RANBP2: variants seen among roughly 807,000 people sequenced by gnomAD.
RANBP2 encodes the protein E3 SUMO-protein ligase RanBP2.
In RANBP2, 57 loss-of-function variants were observed where a neutral mutation model predicts 303.6. That is an observed-to-expected ratio of 0.19 (90% confidence interval 0.15 to 0.23). The LOEUF (loss-of-function observed/expected upper bound fraction) is 0.23. Ranked by LOEUF, RANBP2 falls within the 10% of genes least tolerant of loss-of-function variation. The probability of loss-of-function intolerance (pLI) is 1.00; values close to 1 mark genes in which losing one functional copy is unlikely to be tolerated. For synonymous variants in RANBP2, 1,167 were observed against 1,301.5 expected (o/e 0.90, Z 2.23); for missense variants, 3,138 against 3,780.8 (o/e 0.83, Z 4.46).
the RANBP2 span, chr2:108,856,918 A>G: frequency 6.2e-7 from 1 of 1,613,352 alleles, no homozygotes; most frequent in Non-Finnish European, 8.5e-7. Context: ...TATCCAGTAA[A>G]GGACTCCTGT....
At chr2:108,789,467 G>A (rs190942362), downstream of RANBP2, among the ~76,000 whole-genome samples, 5 of 152,270 alleles carry the variant, frequency 3.3e-5, no homozygotes, top group Admixed American at 1.3e-4. Context: ...GGTGGTGTGC[G>A]TCTGGAATCT....
chr2:108,811,164 CT>C, the RANBP2 span, among the ~76,000 whole-genome samples: 2 of 150,290 alleles, frequency 1.3e-5, no homozygotes, highest in East Asian at 1.9e-4. Flanking sequence ...CCCTACCCCC[CT>C]AACCCTGCCT....
chr2:109,189,665 CT>C, the RANBP2 span, among the ~76,000 whole-genome samples: 6 of 152,150 alleles, frequency 3.9e-5, no homozygotes, highest in South Asian at 8.3e-4. Flanking sequence ...AATTTACCCC[CT>C]ATCAATTTAA....
chr2:108,875,974 T>C, the RANBP2 span: 3 of 637,648 alleles, frequency 4.7e-6, no homozygotes, highest in Non-Finnish European at 7.7e-6. Context: ...TTCTCCACTG[T>C]TTTTAAAAAC....
the RANBP2 span, among the ~76,000 whole-genome samples, chr2:109,042,501 T>C: frequency 5.8e-4 from 88 of 152,282 alleles, no homozygotes; most frequent in African/African-American, 1.9e-3. Context: ...AGTGCTTTTC[T>C]CTCTAACCCC....
the RANBP2 span, among the ~76,000 whole-genome samples, chr2:109,362,308 G>T: frequency 6.6e-6 from 1 of 152,116 alleles, no homozygotes; most frequent in African/African-American, 2.4e-5. Flanking sequence ...TCTCTTGAGA[G>T]TTTTTCTAAG....
At chr2:109,284,672 T>C in the RANBP2 span, among the ~76,000 whole-genome samples, 1 of 152,210 alleles carries the variant, frequency 6.6e-6, no homozygotes, top group Non-Finnish European at 1.5e-5. Context: ...TTTGAGGCTT[T>C]AGTGATTTTT....
At chr2:109,257,556 C>T in the RANBP2 span, among the ~76,000 whole-genome samples, 1 of 152,050 alleles carries the variant, frequency 6.6e-6, no homozygotes, top group Admixed American at 6.6e-5. Context: ...GGCCCAAGTT[C>T]GTGGTGAGTG....
At chr2:108,853,127 T>C in the RANBP2 span, among the ~76,000 whole-genome samples, 3 of 152,208 alleles carry the variant, frequency 2.0e-5, no homozygotes, top group Non-Finnish European at 4.4e-5. Flanking sequence ...TGAGAAAAGA[T>C]AAATAGCTGA....
At chr2:109,493,032 A>AC in the RANBP2 span, among the ~76,000 whole-genome samples, 1 of 151,992 alleles carries the variant, frequency 6.6e-6, no homozygotes, top group Non-Finnish European at 1.5e-5. Flanking sequence ...TACACCATAC[A>AC]AACACATACC....
At chr2:109,129,419 C>T in the RANBP2 span, 1 of 1,459,366 alleles carries the variant, frequency 6.9e-7, no homozygotes, top group Non-Finnish European at 9.1e-7. Flanking sequence ...GGCCACCAGC[C>T]GGGGTGAAGA....
chr2:108,826,695 A>G, the RANBP2 span, among the ~76,000 whole-genome samples: 7 of 152,140 alleles, frequency 4.6e-5, no homozygotes, highest in Non-Finnish European at 7.4e-5. Flanking sequence ...GAATCTTCCA[A>G]CTTTGTCCTT....
the RANBP2 span, among the ~76,000 whole-genome samples, chr2:108,927,463 G>A: frequency 6.6e-6 from 1 of 152,190 alleles, no homozygotes; most frequent in East Asian, 1.9e-4. Flanking sequence ...CACACTTTCT[G>A]GTAAATGTAT....
At chr2:108,836,348 C>G in the RANBP2 span, among the ~76,000 whole-genome samples, 1 of 152,164 alleles carries the variant, frequency 6.6e-6, no homozygotes. Flanking sequence ...TCCTTCCTTT[C>G]TAAGGTGGAA....
In RANBP2 at chr2:108,719,494, C is replaced by T. The variant is rs1265900796; in HGVS notation, c.-113C>T. 2.6e-6 allele frequency: 4 copies of T among 1,512,652 alleles called. No homozygotes were observed. Among genetic ancestry groups the T allele is most frequent in the Admixed American group, 2.0e-5 (1 of 48,814 alleles). The allele number at this position is 1,512,652 out of a possible 1,614,324, so 93.7% of individuals were successfully genotyped here. On this transcript the variant is annotated 5_prime_UTR_variant, in exon 1 of 29. Transcript: ENST00000283195. ...CCGCAAGTTCGTCACAGTGGTCCTC[C>T]GCCGGCTACGGCGCTGCGTCACTGG...
At chr2:109,251,991 C>A in the RANBP2 span, among the ~76,000 whole-genome samples, 1 of 152,052 alleles carries the variant, frequency 6.6e-6, no homozygotes, top group Non-Finnish European at 1.5e-5. Context: ...GACTATAATC[C>A]CACCACTTTG....
At chr2:108,756,831 T>A (rs1676351204) in intron 17 of RANBP2, among the ~76,000 whole-genome samples, 1 of 152,168 alleles carries the variant, frequency 6.6e-6, no homozygotes, top group African/African-American at 2.4e-5. Context: ...TGTTAAAAAT[T>A]ACAGTTACAG....
In RANBP2 at chr2:108,759,443, TC is replaced by T. The variant is rs1286589860; in HGVS notation, c.2602+897del. Among the ~76,000 whole-genome samples the T allele has an allele frequency of 1.2e-4, 19 of 152,302 alleles. No homozygotes were observed. In the South Asian group the frequency reaches 3.7e-3, roughly 30 times the overall value. On this transcript the variant is annotated intron_variant, in intron 18 of 28. Coordinates refer to ENST00000283195, the MANE Select transcript of RANBP2 (RefSeq NM_006267.5). ...AGGCAGCGAGAAATAACAAAATTGT[TC>T]CTTTTACGTACGACAGACTTCTGAA...
At chr2:109,395,526 C>G in the RANBP2 span, among the ~76,000 whole-genome samples, 411 of 152,166 alleles carry the variant, frequency 2.7e-3, no homozygotes, top group Non-Finnish European at 4.9e-3. Context: ...CTTCTCCTGC[C>G]GTCTGTTGAA....
Sources: gnomAD v4.1 joint callset for allele counts (sites outside exome capture counted in the v4.1 genomes callset) on GRCh38, gnomAD v4.1.1 for gene constraint, MANE v1.5 for transcripts, NCBI Gene and HGNC (gene_info 2026-07-23, HGNC 2026-07-21) for gene names.